IQSEC1: variants seen among roughly 807,000 people sequenced by gnomAD.
The protein encoded by IQSEC1 is IQ motif and Sec7 domain ArfGEF 1, also known as IQ motif and SEC7 domain-containing protein 1.
In IQSEC1, 31 loss-of-function variants were observed where a neutral mutation model predicts 91.0. The observed-to-expected ratio is 0.34, with a 90% CI of 0.26 to 0.46. IQSEC1 has a LOEUF of 0.46. Ranked by LOEUF, IQSEC1 falls within the 20% of genes least tolerant of loss-of-function variation. The probability of loss-of-function intolerance (pLI) is 1.00; values close to 1 mark genes in which losing one functional copy is unlikely to be tolerated. For synonymous variants in IQSEC1, 699 were observed against 662.6 expected, an observed-to-expected ratio of 1.05 and a Z score of -0.84; for missense variants, 1,388 against 1,575.6, an observed-to-expected ratio of 0.88 and a Z score of 2.02.
intron 1 of IQSEC1, among the ~76,000 whole-genome samples, chr3:13,182,872 T>TAC (rs1261145737): frequency 6.6e-6 from 1 of 151,970 alleles, no homozygotes; most frequent in Non-Finnish European, 1.5e-5. Context: ...CCAAAGAAAT[T>TAC]AGAAAAAGTA....
In IQSEC1 at chr3:12,898,063, G is replaced by A. The variant is rs1404370106; in HGVS notation, c.*2920C>T. 6.6e-6 allele frequency: 1 copy of A among 152,274 alleles called. No individual in the cohort carries two copies. The highest frequency in any genetic ancestry group is 2.4e-5 in the African/African-American group (1 of 41,460). The allele number at this position is 152,274 out of a possible 1,614,324, so 9.4% of individuals were successfully genotyped here. A position where few individuals can be genotyped will look rare whatever the true frequency, so the allele number is the denominator to read the frequency against. On this transcript the variant is annotated 3_prime_UTR_variant, in exon 14 of 14. Transcript: ENST00000613206. ...GTAACTGCAGTAATTTGTGTGACTT[G>A]AGAAAGGTGTGCCAAGGGCGTCCTC... is the stretch of plus-strand genomic sequence containing the variant.
chr3:13,094,973 T>G (rs1027073507), intron 2 of IQSEC1, among the ~76,000 whole-genome samples: 1 of 152,180 alleles, frequency 6.6e-6, no homozygotes, highest in African/African-American at 2.4e-5. Context: ...CTTGTGGCTG[T>G]GGCTGCGGTT....
intron 2 of IQSEC1, among the ~76,000 whole-genome samples, chr3:13,140,108 A>G (rs1486204686): frequency 2.6e-5 from 4 of 152,164 alleles, no homozygotes; most frequent in African/African-American, 9.7e-5. Context: ...CCCACCTGGA[A>G]GATTCCAATT....
intron 1 of IQSEC1, among the ~76,000 whole-genome samples, chr3:13,034,461 G>A (rs980637376): frequency 1.3e-5 from 2 of 152,206 alleles, no homozygotes; most frequent in Non-Finnish European, 1.5e-5. Flanking sequence ...CCCGTTTCCC[G>A]CCTCTTGCCA....
intron 1 of IQSEC1, among the ~76,000 whole-genome samples, chr3:12,956,441 G>A (rs1257820854): frequency 1.3e-5 from 2 of 152,228 alleles, no homozygotes; most frequent in African/African-American, 4.8e-5. Context: ...GGTCCTGTGA[G>A]TGTGTGGTTT....
chr3:13,192,207 G>A (rs1206720354), intron 1 of IQSEC1, among the ~76,000 whole-genome samples: 12 of 151,938 alleles, frequency 7.9e-5, no homozygotes, highest in South Asian at 2.1e-4. Flanking sequence ...GCATGGTGGC[G>A]GGCGCCTGTA....
intron 6 of IQSEC1, 81 bp downstream of exon 6, chr3:12,920,349 G>A (rs1184538102): frequency 6.9e-6 from 10 of 1,443,458 alleles, no homozygotes; most frequent in Middle Eastern, 1.8e-4. Context: ...GTTGCCTCAC[G>A]CCCCTTACAT....
chr3:13,070,108 G>T (rs948094761), intron 1 of IQSEC1, among the ~76,000 whole-genome samples: 21 of 152,040 alleles, frequency 1.4e-4, no homozygotes, highest in African/African-American at 4.8e-4. Context: ...TGGGGGTGGG[G>T]GCCCGCCGGC....
intron 1 of IQSEC1, among the ~76,000 whole-genome samples, chr3:13,281,088 G>T (rs1200047412): frequency 6.6e-6 from 1 of 152,238 alleles, no homozygotes; most frequent in African/African-American, 2.4e-5. Context: ...GGGTGGTGTT[G>T]TGAGGCATGT....
chr3:13,228,075 AT>A lies in IQSEC1; in HGVS notation c.272+54635del, dbSNP rs538117347. 3.1e-3 allele frequency among the ~76,000 whole-genome samples: 473 copies of A among 152,060 alleles called. 3 individuals carry two copies. Among genetic ancestry groups the A allele is most frequent in the African/African-American group, 0.011 (457 of 41,464 alleles). ...CCTGCTCTCAGGCCTGGGAGGTGTG[AT>A]TTACTCTCCTGACCTCCAGGCAGCC... On this transcript the variant is annotated intron_variant, in intron 1 of 15. Transcript: ENST00000648114.
intron 1 of IQSEC1, among the ~76,000 whole-genome samples, chr3:13,210,942 ACT>A (rs778602494): frequency 7.2e-5 from 11 of 152,062 alleles, no homozygotes; most frequent in Non-Finnish European, 1.5e-4. Context: ...GGAGGCTGTG[ACT>A]CTATAAACAC....
chr3:13,105,680 A>G (rs904448147), intron 2 of IQSEC1, among the ~76,000 whole-genome samples: 1 of 151,920 alleles, frequency 6.6e-6, no homozygotes, highest in African/African-American at 2.4e-5. Flanking sequence ...TCCCTCCTCT[A>G]GCCTCAGCAG....
chr3:13,277,759 C>G (rs2125155113), intron 1 of IQSEC1, among the ~76,000 whole-genome samples: 1 of 152,320 alleles, frequency 6.6e-6, no homozygotes, highest in South Asian at 2.1e-4. Context: ...GCCCTGCCAC[C>G]CTTTCTGCCA....
chr3:12,933,705 T>C (rs1697912445), intron 3 of IQSEC1, among the ~76,000 whole-genome samples: 1 of 152,222 alleles, frequency 6.6e-6, no homozygotes, highest in Admixed American at 6.5e-5. Context: ...CCAAGCTGTG[T>C]TCTTAACCAT....
At chr3:13,261,796 T>C (rs1335298722) in intron 1 of IQSEC1, among the ~76,000 whole-genome samples, 1 of 152,180 alleles carries the variant, frequency 6.6e-6, no homozygotes. Flanking sequence ...GTTCCTTCCA[T>C]AATTTATGGC....
chr3:13,099,530 GC>G (rs1365020811), intron 2 of IQSEC1, among the ~76,000 whole-genome samples: 1 of 152,082 alleles, frequency 6.6e-6, no homozygotes, highest in Non-Finnish European at 1.5e-5. Context: ...CCTCAGAAGC[GC>G]CCACCTCACT....
chr3:13,113,011 C>T lies in IQSEC1; in HGVS notation c.302+51093G>A, dbSNP rs192010726. Among the ~76,000 whole-genome samples the T allele has an allele frequency of 4.9e-3, 748 of 152,324 alleles. 10 individuals are homozygous for T. Among genetic ancestry groups the T allele is most frequent in the African/African-American group, 0.017 (713 of 41,578 alleles). On this transcript the variant is annotated intron_variant, in intron 2 of 15. Transcript: ENST00000648114. ...TAAACTCACTGTGAGCATCAGTCAC[C>T]GGGTCGCAAGCAGACACGCCTAGAG...
At chr3:13,011,518 T>C (rs1576161794) in intron 1 of IQSEC1, among the ~76,000 whole-genome samples, 1 of 152,188 alleles carries the variant, frequency 6.6e-6, no homozygotes, top group African/African-American at 2.4e-5. Context: ...TTACAGCAAC[T>C]GTAGGGAGCT....
intron 1 of IQSEC1, among the ~76,000 whole-genome samples, chr3:13,067,474 G>A (rs1376991202): frequency 1.3e-5 from 2 of 152,246 alleles, no homozygotes; most frequent in Non-Finnish European, 1.5e-5. Flanking sequence ...GCAGGCTGGG[G>A]GCAGCCATGC....
Sources: gnomAD v4.1 joint callset for allele counts (sites outside exome capture counted in the v4.1 genomes callset) on GRCh38, gnomAD v4.1.1 for gene constraint, MANE v1.5 for transcripts, NCBI Gene and HGNC (gene_info 2026-07-23, HGNC 2026-07-21) for gene names.